EYS: variants seen among roughly 807,000 people sequenced by gnomAD.
The protein encoded by EYS is protein eyes shut homolog.
EYS carries 250 observed loss-of-function variants against 282.1 expected under a neutral mutation model. The observed-to-expected ratio is 0.89, with a 90% CI of 0.80 to 0.98. The LOEUF is 0.98. Ranked by LOEUF, EYS falls within the 50% of genes least tolerant of loss-of-function variation. The pLI is 0.00. For missense variants in EYS, 4,016 were observed against 3,709.0 expected, an observed-to-expected ratio of 1.08 and a Z score of -2.15; for synonymous variants, 1,355 against 1,282.9, an observed-to-expected ratio of 1.06 and a Z score of -1.20.
chr6:65,516,862 C>A (rs767715991), intron 2 of EYS, among the ~76,000 whole-genome samples: 1 of 152,142 alleles, frequency 6.6e-6, no homozygotes, highest in Non-Finnish European at 1.5e-5. Flanking sequence ...TTAGATTCTA[C>A]TCTAGATTCT....
At chr6:64,039,062 C>G (rs1770262724) in intron 33 of EYS, among the ~76,000 whole-genome samples, 1 of 152,192 alleles carries the variant, frequency 6.6e-6, no homozygotes. Flanking sequence ...GCCTTGGGCT[C>G]TCAAAGTGCT....
chr6:65,515,133 C>A (rs1457264198), intron 2 of EYS, among the ~76,000 whole-genome samples: 3 of 152,052 alleles, frequency 2.0e-5, no homozygotes, highest in Admixed American at 2.0e-4. Flanking sequence ...GGGCAAAGGA[C>A]ATGAACAGAC....
At chr6:64,256,704 C>T (rs1767412851) in intron 30 of EYS, among the ~76,000 whole-genome samples, 2 of 151,898 alleles carry the variant, frequency 1.3e-5, no homozygotes, top group South Asian at 2.1e-4. Context: ...CCATCAATAG[C>T]AAAAGTAGTA....
intron 35 of EYS, among the ~76,000 whole-genome samples, chr6:63,946,506 TAAG>T (rs1250661642): frequency 6.6e-6 from 1 of 152,156 alleles, no homozygotes; most frequent in Non-Finnish European, 1.5e-5. Context: ...CACTTTTCAT[TAAG>T]TTCTCTTTTA....
At chr6:64,866,546 GA>G (rs1437985003) in intron 19 of EYS, among the ~76,000 whole-genome samples, 1 of 151,678 alleles carries the variant, frequency 6.6e-6, no homozygotes, top group African/African-American at 2.4e-5. Context: ...TGTATTGAAG[GA>G]ACATTAAATG....
intron 12 of EYS, among the ~76,000 whole-genome samples, chr6:65,179,351 G>C (rs945205577): frequency 6.6e-6 from 1 of 151,958 alleles, no homozygotes; most frequent in African/African-American, 2.4e-5. Context: ...GAATCAAATA[G>C]ATGTAATAAA....
At chr6:65,077,413 G>A (rs1561954125) in intron 12 of EYS, among the ~76,000 whole-genome samples, 1 of 152,026 alleles carries the variant, frequency 6.6e-6, no homozygotes, top group African/African-American at 2.4e-5. Context: ...ATTCAATAAG[G>A]TAAGCCCACT....
intron 12 of EYS, among the ~76,000 whole-genome samples, chr6:65,174,609 G>C (rs180792735): frequency 2.4e-4 from 36 of 151,368 alleles, no homozygotes; most frequent in Admixed American, 1.3e-3. Flanking sequence ...GATTTTAGAA[G>C]ATAATTCGAT....
chr6:64,530,662 T>C (rs1764299164), intron 26 of EYS, among the ~76,000 whole-genome samples: 1 of 152,150 alleles, frequency 6.6e-6, no homozygotes, highest in Non-Finnish European at 1.5e-5. Flanking sequence ...TTTGGCTGTT[T>C]TTTACCCTTC....
chr6:64,770,936 A>T lies in EYS; in HGVS notation c.3443+42442T>A, dbSNP rs541399406. 8.1e-4 allele frequency among the ~76,000 whole-genome samples: 123 copies of T among 151,954 alleles called. 1 individual carries two copies. The highest frequency in any genetic ancestry group is 1.5e-3 in the Non-Finnish European group (100 of 67,834). On this transcript the variant is annotated intron_variant, in intron 22 of 42. Transcript: ENST00000503581. ...ATAAATACTTTTTTGATCAAGAGGG[A>T]TATAATATATTGCAATTCAAACAAG... is the stretch of plus-strand genomic sequence containing the variant.
chr6:65,677,744 C>T (rs538052173), intron 1 of EYS, among the ~76,000 whole-genome samples: 37 of 151,946 alleles, frequency 2.4e-4, no homozygotes, highest in African/African-American at 8.7e-4. Context: ...CCCCCAATAG[C>T]CAGACAGTCT....
intron 31 of EYS, among the ~76,000 whole-genome samples, chr6:64,137,976 T>C (rs920209995): frequency 6.6e-6 from 1 of 152,140 alleles, no homozygotes; most frequent in African/African-American, 2.4e-5. Context: ...CATGCCTGTA[T>C]TGGATGAAAA....
intron 12 of EYS, among the ~76,000 whole-genome samples, chr6:65,188,664 G>C (rs1765568956): frequency 6.6e-6 from 1 of 150,974 alleles, no homozygotes; most frequent in African/African-American, 2.4e-5. Context: ...GAATTATCTG[G>C]CAGGTCCCAA....
At chr6:64,092,836 T>C (rs1562196521) in intron 31 of EYS, among the ~76,000 whole-genome samples, 1 of 151,794 alleles carries the variant, frequency 6.6e-6, no homozygotes, top group African/African-American at 2.4e-5. Flanking sequence ...CCCATGCCTA[T>C]GTCCTGAATG....
intron 26 of EYS, among the ~76,000 whole-genome samples, chr6:64,449,444 C>A (rs1347520258): frequency 6.6e-6 from 1 of 152,110 alleles, no homozygotes; most frequent in South Asian, 2.1e-4. Flanking sequence ...AGGATATTAC[C>A]CAGGAGAACT....
Position 65,282,837 on chromosome 6 carries a change from T to C in EYS, c.2023+13026A>G, listed in dbSNP as rs6901335. On this transcript the variant is annotated intron_variant, in intron 12 of 42. Transcript: ENST00000503581. Reference sequence around the variant, plus strand: ...TTATTAATAAATACAGTAGCATTTGTATACTGTTGATTATTGGTCTTATTT... The same window carrying C: ...TTATTAATAAATACAGTAGCATTTGCATACTGTTGATTATTGGTCTTATTT... Among the ~76,000 whole-genome samples, 1,271 of 152,118 alleles carry C rather than the reference T, an allele frequency of 8.4e-3. 13 individuals are homozygous for C. The highest frequency in any genetic ancestry group is 0.029 in the African/African-American group (1,215 of 41,568).
intron 19 of EYS, among the ~76,000 whole-genome samples, chr6:64,865,996 A>G (rs1766413843): frequency 6.6e-6 from 1 of 151,980 alleles, no homozygotes; most frequent in African/African-American, 2.4e-5. Context: ...TTAATTACAG[A>G]CAGTTTGGAG....
At chr6:65,507,081 C>T (rs907566229) in intron 2 of EYS, among the ~76,000 whole-genome samples, 6 of 152,026 alleles carry the variant, frequency 3.9e-5, no homozygotes, top group Admixed American at 1.3e-4. Flanking sequence ...TTATTTCACT[C>T]TCCCTTTTTC....
At chr6:65,693,424 T>A (rs1388883844) in intron 1 of EYS, among the ~76,000 whole-genome samples, 5 of 105,256 alleles carry the variant, frequency 4.8e-5, no homozygotes, top group African/African-American at 1.4e-4. Flanking sequence ...TTTTTTTTTT[T>A]AAGTCTTGGG....
Sources: allele counts gnomAD v4.1 joint callset (sites outside exome capture counted in the v4.1 genomes callset), GRCh38; gene constraint gnomAD v4.1.1; transcripts MANE v1.5; gene names NCBI Gene and HGNC (gene_info 2026-07-23, HGNC 2026-07-21).